The following ZG16 variants were observed in gnomAD, a reference collection of about 807,000 sequenced individuals.
The protein encoded by ZG16 is zymogen granule protein 16.
In ZG16, 9 loss-of-function variants were observed where a neutral mutation model predicts 15.6. That is an observed-to-expected ratio of 0.58 (90% CI 0.35 to 1.00). ZG16 has a LOEUF of 1.00. ZG16 is among the 50% of genes least tolerant of loss of function. The probability of loss-of-function intolerance (pLI) is 0.02; values close to 1 mark genes in which losing one functional copy is unlikely to be tolerated. For missense variants in ZG16, 174 were observed against 214.8 expected, an observed-to-expected ratio of 0.81 and a Z score of 1.19; for synonymous variants, 89 against 87.4, an observed-to-expected ratio of 1.02 and a Z score of -0.10.
At chr16:29,779,350 G>A in intron 2 of ZG16, 29 bp downstream of exon 2, 4 of 1,537,128 alleles carry the variant, frequency 2.6e-6, no homozygotes, top group Non-Finnish European at 3.5e-6. Context: ...GCCTGGTATT[G>A]GGGACTTGGG....
chr16:29,782,538 G>A lies in ZG16; in HGVS notation c.*2119G>A, dbSNP rs1288462117. ...TGTATGCAGGTCCTGAAAAGTTCAA[G>A]TCCCACCTGAAACGCAACACAGCAT... On this transcript the variant is annotated 3_prime_UTR_variant, in exon 4 of 4. Coordinates refer to ENST00000400752, the MANE Select transcript of ZG16 (RefSeq NM_152338.4). 1 of 152,162 alleles carries A rather than the reference G, an allele frequency of 6.6e-6. No individual in the cohort carries two copies. Among genetic ancestry groups the A allele is most frequent in the East Asian group, 1.9e-4 (1 of 5,196 alleles). 9.4% of individuals were successfully genotyped at this position (152,162 alleles called of 1,614,324 possible). A position where few individuals can be genotyped will look rare whatever the true frequency, so the allele number is the denominator to read the frequency against.
intron 1 of ZG16, 93 bp downstream of exon 1, chr16:29,778,399 C>G (rs956492947): frequency 1.6e-4 from 24 of 152,246 alleles, no homozygotes; most frequent in African/African-American, 5.6e-4. Context: ...GCAGGAAAGA[C>G]TTGAGTTAAT....
intron 1 of ZG16, 83 bp from the exon 2 acceptor site, chr16:29,779,177 A>C: frequency 7.3e-7 from 1 of 1,370,868 alleles, no homozygotes; most frequent in Non-Finnish European, 1.0e-6. Context: ...GCTTGGTCTG[A>C]GCTGCAGGTC....
chr16:29,779,058 G>A (rs1898590372), intron 1 of ZG16, among the ~76,000 whole-genome samples: 2 of 152,190 alleles, frequency 1.3e-5, no homozygotes. Flanking sequence ...AGCTGGAGGG[G>A]TCAGGGACAT....
At position 29,780,654 on chromosome 16, in the gene ZG16, G is replaced by A. The variant is rs1898615605; in HGVS notation, c.*235G>A. 1 of 508,808 alleles carries A rather than the reference G, an allele frequency of 2.0e-6. No homozygotes were observed. Among genetic ancestry groups the A allele is most frequent in the Non-Finnish European group, 3.5e-6 (1 of 287,444 alleles). The allele number at this position is 508,808 out of a possible 1,614,324, so 31.5% of individuals were successfully genotyped here. On this transcript the variant is annotated 3_prime_UTR_variant, in exon 4 of 4. Coordinates refer to ENST00000400752, the MANE Select transcript of ZG16 (RefSeq NM_152338.4). ...GAGGGAGAGGTATGTAAGAATCCTG[G>A]GCTTTGTGCTATAATTTATCAAGAG...
chr16:29,780,059 C>T, intron 3 of ZG16, 45 bp from the exon 4 acceptor site: 1 of 1,483,736 alleles, frequency 6.7e-7, no homozygotes, highest in Non-Finnish European at 9.0e-7. Context: ...CCTCTCATCC[C>T]TATCATCACC....
At chr16:29,780,021 C>A in intron 3 of ZG16, 83 bp from the exon 4 acceptor site, 1 of 1,266,834 alleles carries the variant, frequency 7.9e-7, no homozygotes, top group Non-Finnish European at 1.1e-6. Flanking sequence ...TTCACCCAGG[C>A]TTCACAGTCT....
At chr16:29,779,750 AGATGCCAGG>A (rs1377369492) in intron 3 of ZG16, 113 bp downstream of exon 3, 6 of 1,321,680 alleles carry the variant, frequency 4.5e-6, no homozygotes, top group Non-Finnish European at 6.2e-6. Flanking sequence ...AGCCTGGGCA[AGATGCCAGG>A]GATGCCAGGG....
Position 29,780,280 on chromosome 16 carries a change from AAG to A in ZG16, c.367_368del (p.Asp123GlnfsTer40), listed in dbSNP as rs1345354406. 1 of 1,537,442 alleles carries A rather than the reference AAG, an allele frequency of 6.5e-7. No individual in the cohort carries two copies. Among genetic ancestry groups the A allele is most frequent in the Admixed American group, 2.0e-5 (1 of 51,002 alleles). On this transcript the variant is annotated frameshift_variant, in exon 4 of 4. Coordinates refer to ENST00000400752, the MANE Select transcript of ZG16 (RefSeq NM_152338.4). LOFTEE classifies it high-confidence loss of function. Reference sequence around the variant, plus strand: ...AAGGGCCGCTATCTGTCTTTTGGGAAAGACAGTGGCACAAGTTTCAATGCCGT... The same window carrying A: ...AAGGGCCGCTATCTGTCTTTTGGGAAACAGTGGCACAAGTTTCAATGCCGT...
In ZG16 at chr16:29,782,464, G is replaced by C. The variant is rs2142354866; in HGVS notation, c.*2045G>C. 1 of 152,316 alleles carries C rather than the reference G, an allele frequency of 6.6e-6. No individual in the cohort carries two copies. Among genetic ancestry groups the C allele is most frequent in the Non-Finnish European group, 1.5e-5 (1 of 68,032 alleles). 9.4% of individuals were successfully genotyped at this position (152,316 alleles called of 1,614,324 possible). On this transcript the variant is annotated 3_prime_UTR_variant, in exon 4 of 4. Coordinates refer to ENST00000400752, the MANE Select transcript of ZG16 (RefSeq NM_152338.4). The stretch of plus-strand genomic sequence containing the variant: ...CTCAACCAGCCTTCATGTGCAGTGG[G>C]ACTGGCAAGAAATCTGTCATCCCTG...
chr16:29,779,459 G>A (rs1898596513), intron 2 of ZG16, 46 bp from the exon 3 acceptor site: 3 of 1,534,550 alleles, frequency 2.0e-6, no homozygotes, highest in Non-Finnish European at 2.6e-6. Context: ...CAGAGAAACT[G>A]AACTCCTGGA....
chr16:29,782,291 G>C lies in ZG16; in HGVS notation c.*1872G>C, dbSNP rs1898632204. On this transcript the variant is annotated 3_prime_UTR_variant, in exon 4 of 4. Transcript: ENST00000400752. ...GCTCAAGAAAAGGATATGGTAGTTG[G>C]GCAAGGGGGCTCACACCTGTAATCC... is the stretch of plus-strand genomic sequence containing the variant. 6.6e-6 allele frequency: 1 copy of C among 152,068 alleles called. No individual in the cohort carries two copies. Among genetic ancestry groups the C allele is most frequent in the Admixed American group, 6.6e-5 (1 of 15,260 alleles). 9.4% of individuals were successfully genotyped at this position (152,068 alleles called of 1,614,324 possible). A position where few individuals can be genotyped will look rare whatever the true frequency, so the allele number is the denominator to read the frequency against.
At position 29,780,324 on chromosome 16, in the gene ZG16, A is replaced by G; in HGVS notation, c.409A>G (p.Thr137Ala). 1 of 1,537,108 alleles carries G rather than the reference A, an allele frequency of 6.5e-7. No individual in the cohort carries two copies. Among genetic ancestry groups the G allele is most frequent in the Non-Finnish European group, 8.7e-7 (1 of 1,146,884 alleles). The change falls in exon 4 of 4, where the codon ACC (threonine) becomes GCC (alanine). Residue 137 changes from threonine to alanine, a missense_variant. Thr to Ala is a moderately conservative substitution (Grantham distance 58). Coordinates refer to ENST00000400752, the MANE Select transcript of ZG16 (RefSeq NM_152338.4). ...CAATGCCGTCCCCTTGCACCCCAAC[A>G]CCGTGCTCCGCTTCATCAGTGGCCG... ...SFNAVPLHPN[T>A]VLRFISGRSG... is the part of the protein sequence containing the mutation.
At position 29,779,532 on chromosome 16, in the gene ZG16, G is replaced by T; in HGVS notation, c.83G>T (p.Gly28Val). ...AIQARSSSYSGEYGGGGGKRF... is the reference protein window; with the variant it reads ...AIQARSSSYSVEYGGGGGKRF... ...CAGGCCAGGTCTTCCTCCTATAGTGGAGAGTATGGAGGTGGTGGTGGAAAG... is the reference window on the plus strand; with the variant it reads ...CAGGCCAGGTCTTCCTCCTATAGTGTAGAGTATGGAGGTGGTGGTGGAAAG... The change falls in exon 3 of 4, where the codon GGA (glycine) becomes GTA (valine). Residue 28 changes from glycine (G) to valine (V), a missense_variant. Gly to Val is a moderately radical substitution (Grantham distance 109, BLOSUM62 -3). Coordinates refer to ENST00000400752, the MANE Select transcript of ZG16 (RefSeq NM_152338.4). The T allele has an allele frequency of 6.5e-7, 1 of 1,537,222 alleles. No homozygotes were observed. The highest frequency in any genetic ancestry group is 8.7e-7 in the Non-Finnish European group (1 of 1,146,928).
intron 3 of ZG16, 61 bp from the exon 4 acceptor site, chr16:29,780,043 C>T: frequency 7.0e-7 from 1 of 1,420,640 alleles, no homozygotes; most frequent in Non-Finnish European, 9.4e-7. Context: ...TAGGACTAGC[C>T]AGAGACCTCT....
intron 1 of ZG16, 89 bp from the exon 2 acceptor site, chr16:29,779,171 G>A: frequency 1.5e-6 from 2 of 1,299,964 alleles, no homozygotes; most frequent in South Asian, 1.3e-5. Flanking sequence ...AAGAAGGCTT[G>A]GTCTGAGCTG....
intron 3 of ZG16, 41 bp downstream of exon 3, chr16:29,779,678 A>C: frequency 6.5e-7 from 1 of 1,534,964 alleles, no homozygotes; most frequent in Middle Eastern, 1.7e-4. Flanking sequence ...GGTGGCTCAC[A>C]TCTGTCATTA....
intron 3 of ZG16, 60 bp from the exon 4 acceptor site, chr16:29,780,044 A>C: frequency 1.4e-6 from 2 of 1,423,670 alleles, no homozygotes; most frequent in Non-Finnish European, 1.9e-6. Flanking sequence ...AGGACTAGCC[A>C]GAGACCTCTC....
chr16:29,779,995 G>A (rs1332727555), intron 3 of ZG16, 109 bp from the exon 4 acceptor site: 3 of 1,058,476 alleles, frequency 2.8e-6, no homozygotes, highest in Non-Finnish European at 2.7e-6. Flanking sequence ...GAAGTTCCCT[G>A]TAGGATCTTC....
Sources: allele counts gnomAD v4.1 joint callset (sites outside exome capture counted in the v4.1 genomes callset), GRCh38; gene constraint gnomAD v4.1.1; transcripts MANE v1.5; gene names NCBI Gene and HGNC (gene_info 2026-07-23, HGNC 2026-07-21).